FMO1: variants seen among roughly 807,000 people sequenced by gnomAD.
The protein encoded by FMO1 is flavin containing dimethylaniline monoxygenase 1.
FMO1 carries 36 observed loss-of-function variants against 45.4 expected under a neutral mutation model. That is an observed-to-expected ratio of 0.79 (90% CI 0.61 to 1.05). The LOEUF (loss-of-function observed/expected upper bound fraction) is 1.05. Ranked by LOEUF, FMO1 falls within the 50% of genes least tolerant of loss-of-function variation. The pLI is 0.00. For synonymous variants in FMO1, 228 were observed against 227.2 expected (o/e 1.00, Z -0.03); for missense variants, 615 against 640.3 (o/e 0.96, Z 0.43).
chr1:171,255,887 T>C (rs1034682783), intron 1 of FMO1, among the ~76,000 whole-genome samples: 4 of 152,230 alleles, frequency 2.6e-5, no homozygotes, highest in African/African-American at 4.8e-5. Flanking sequence ...CAATATCATA[T>C]GTATATATGC....
At chr1:171,263,734 G>T (rs1000024256) in intron 2 of FMO1, among the ~76,000 whole-genome samples, 1 of 152,136 alleles carries the variant, frequency 6.6e-6, no homozygotes, top group African/African-American at 2.4e-5. Flanking sequence ...TCCACACTCG[G>T]AGTTCAAGGC....
chr1:171,260,912 C>CAAAAAAAAAAAAAAAAAA, intron 2 of FMO1, among the ~76,000 whole-genome samples: 1 of 53,696 alleles, frequency 1.9e-5, no homozygotes, highest in Non-Finnish European at 3.2e-5. Flanking sequence ...GGCTCCATCT[C>CAAAAAAAAAAAAAAAAAA]AAAAAAAAAA....
intron 2 of FMO1, among the ~76,000 whole-genome samples, chr1:171,261,938 C>T (rs532836104): frequency 1.8e-4 from 28 of 152,226 alleles, no homozygotes; most frequent in Non-Finnish European, 3.4e-4. Flanking sequence ...GGATAAAGAA[C>T]CACTTCTGAC....
intron 1 of FMO1, 168 bp from the exon 2 acceptor site, chr1:171,257,914 G>A (rs1660226943): frequency 2.9e-6 from 2 of 699,180 alleles, no homozygotes. Context: ...GGGTTAACCA[G>A]TGACCTGAAC....
chr1:171,248,691 T>C (rs1009359110), intron 1 of FMO1, 68 bp downstream of exon 1: 1 of 152,086 alleles, frequency 6.6e-6, no homozygotes, highest in African/African-American at 2.4e-5. Flanking sequence ...TTTCCTGTTT[T>C]GTTATTGTGC....
At chr1:171,273,909 T>C (rs1231369093) in intron 3 of FMO1, among the ~76,000 whole-genome samples, 2 of 152,160 alleles carry the variant, frequency 1.3e-5, no homozygotes, top group African/African-American at 4.8e-5. Flanking sequence ...CCCACACCTG[T>C]AATCCCAGCA....
Position 171,275,510 on chromosome 1 carries a change from T to C in FMO1, c.484+2T>C. ...ATTTGCCACTGGATTCCTTTCCAGG[T>C]ACAGCATTTTCTGTAACTAACTTTA... On this transcript the variant is annotated splice_donor_variant, in intron 4 of 8. Transcript: ENST00000617670. LOFTEE classifies it high-confidence loss of function. 1 of 1,607,010 alleles carries C rather than the reference T, an allele frequency of 6.2e-7. No homozygotes were observed. The highest frequency in any genetic ancestry group is 8.5e-7 in the Non-Finnish European group (1 of 1,175,782).
chr1:171,271,504 T>C (rs1660864663), intron 3 of FMO1: 3 of 905,370 alleles, frequency 3.3e-6, no homozygotes, highest in East Asian at 4.8e-5. Flanking sequence ...GGGTGCTGCT[T>C]CTTATGCTCT....
chr1:171,269,289 A>G (rs753812348), intron 3 of FMO1, among the ~76,000 whole-genome samples: 8 of 152,162 alleles, frequency 5.3e-5, no homozygotes, highest in Non-Finnish European at 1.0e-4. Context: ...AGAAGAAAGG[A>G]AAATGTAGGA....
In FMO1 at chr1:171,280,981, G is replaced by T. The variant is rs1275863430; in HGVS notation, c.823G>T (p.Asp275Tyr). 4 of 1,613,412 alleles carry T rather than the reference G, an allele frequency of 2.5e-6. No homozygotes were observed. The highest frequency in any genetic ancestry group is 3.4e-6 in the Non-Finnish European group (4 of 1,179,520). ...NHANYGLIPE[D>Y]RTQLKEFVLN... Reference sequence around the variant, plus strand: ...TGCAAATTACGGCTTAATACCAGAAGACAGGTAAATATAATGTGACTGCCA... The same window carrying T: ...TGCAAATTACGGCTTAATACCAGAATACAGGTAAATATAATGTGACTGCCA... The change falls in exon 6 of 9, where the codon GAC (aspartate) becomes TAC (tyrosine). Residue 275 changes from aspartate to tyrosine, a missense_variant. Asp to Tyr is a radical substitution (Grantham distance 160). Coordinates refer to ENST00000617670, the MANE Select transcript of FMO1 (RefSeq NM_001282693.2).
intron 3 of FMO1, among the ~76,000 whole-genome samples, chr1:171,272,533 G>C (rs1362153793): frequency 1.3e-5 from 2 of 152,200 alleles, no homozygotes; most frequent in African/African-American, 4.8e-5. Flanking sequence ...TGTGAAAGCA[G>C]CCAGGAGGGA....
Position 171,266,019 on chromosome 1 carries a change from C to T in FMO1, c.133-1524C>T, listed in dbSNP as rs138555054. On this transcript the variant is annotated intron_variant, in intron 2 of 8. Coordinates refer to ENST00000617670, the MANE Select transcript of FMO1 (RefSeq NM_001282693.2). ...TTTAATGTATCTTCAGTCTTTTATC[C>T]GTAGCCAGTTCAAATAACTTATACT... Among the ~76,000 whole-genome samples, 67 of 151,970 alleles carry T rather than the reference C, an allele frequency of 4.4e-4. 2 individuals are homozygous for T. In the East Asian group the frequency reaches 0.01, roughly 24 times the overall value.
chr1:171,260,089 G>A (rs893258374), intron 2 of FMO1, among the ~76,000 whole-genome samples: 7 of 152,182 alleles, frequency 4.6e-5, no homozygotes, highest in African/African-American at 1.7e-4. Flanking sequence ...GGAGGGTAGG[G>A]ACAGTAAAGA....
Position 171,282,024 on chromosome 1 carries a change from A to T in FMO1, c.874A>T (p.Ile292Phe). 6.2e-7 allele frequency: 1 copy of T among 1,613,334 alleles called. No homozygotes were observed. The highest frequency in any genetic ancestry group is 8.5e-7 in the Non-Finnish European group (1 of 1,179,778). The part of the protein sequence containing the change: ...FVLNDELPGR[I>F]ITGKVFIRPS... ...GCTAAATGATGAGCTCCCAGGACGC[A>T]TCATCACTGGGAAAGTGTTCATCAG... The change falls in exon 7 of 9, where the codon ATC becomes TTC. Residue 292 changes from isoleucine to phenylalanine, a missense_variant. Transcript: ENST00000617670.
intron 4 of FMO1, among the ~76,000 whole-genome samples, chr1:171,276,193 T>C (rs531080413): frequency 2.4e-4 from 37 of 152,212 alleles, no homozygotes; most frequent in Non-Finnish European, 4.4e-4. Context: ...TTTCTCCAAA[T>C]CATCTAATGA....
Position 171,267,706 on chromosome 1 carries a change from A to C in FMO1, c.296A>C (p.Asp99Ala). The change falls in exon 3 of 9, where the codon GAC becomes GCC. Residue 99 changes from aspartate (D) to alanine (A), a missense_variant. Coordinates refer to ENST00000617670, the MANE Select transcript of FMO1 (RefSeq NM_001282693.2). ...EYLKMYANHF[D>A]LLKHIQFKTK... Reference sequence around the variant, plus strand: ...CTCAAAATGTATGCAAACCACTTTGACCTTCTGAAACACATTCAATTCAAG... The same window carrying C: ...CTCAAAATGTATGCAAACCACTTTGCCCTTCTGAAACACATTCAATTCAAG... 1 of 1,611,202 alleles carries C rather than the reference A, an allele frequency of 6.2e-7. No homozygotes were observed. The highest frequency in any genetic ancestry group is 8.5e-7 in the Non-Finnish European group (1 of 1,178,846).
At chr1:171,265,162 A>G (rs998181773) in intron 2 of FMO1, among the ~76,000 whole-genome samples, 6 of 151,958 alleles carry the variant, frequency 3.9e-5, no homozygotes, top group Non-Finnish European at 8.8e-5. Context: ...AGGCCAAGGC[A>G]GGCGGATCAT....
intron 1 of FMO1, among the ~76,000 whole-genome samples, chr1:171,255,379 G>A (rs1256672798): frequency 2.0e-5 from 3 of 152,118 alleles, no homozygotes; most frequent in Admixed American, 6.5e-5. Context: ...ATCCTCTTTT[G>A]CAAAGTGAGC....
chr1:171,259,799 C>G (rs989016195), intron 2 of FMO1, among the ~76,000 whole-genome samples: 5 of 152,148 alleles, frequency 3.3e-5, no homozygotes, highest in Admixed American at 2.0e-4. Flanking sequence ...CCAGCTGGGC[C>G]CATTTCCAGC....
Sources: allele counts gnomAD v4.1 joint callset (sites outside exome capture counted in the v4.1 genomes callset), GRCh38; gene constraint gnomAD v4.1.1; transcripts MANE v1.5; gene names NCBI Gene and HGNC (gene_info 2026-07-23, HGNC 2026-07-21).